CREB5: variants seen among roughly 807,000 people sequenced by gnomAD.
CREB5 encodes the protein cyclic AMP-responsive element-binding protein 5.
CREB5 carries 19 observed loss-of-function variants against 57.1 expected under a neutral mutation model. The observed-to-expected ratio is 0.33, with a 90% confidence interval of 0.23 to 0.49. The LOEUF is 0.49. Ranked by LOEUF, CREB5 falls within the 20% of genes least tolerant of loss-of-function variation. CREB5 has a pLI of 0.99. For missense variants in CREB5, 579 were observed against 671.6 expected, an observed-to-expected ratio of 0.86 and a Z score of 1.52; for synonymous variants, 238 against 238.3, an observed-to-expected ratio of 1.00 and a Z score of 0.01.
intron 1 of CREB5, among the ~76,000 whole-genome samples, chr7:28,368,531 G>A (rs1051692900): frequency 1.5e-4 from 23 of 152,214 alleles, no homozygotes; most frequent in African/African-American, 5.5e-4. Flanking sequence ...CCAATCACAT[G>A]GACCCTCTCC....
chr7:28,612,586 G>GTGTGTGTGTA (rs1263507604), intron 5 of CREB5, among the ~76,000 whole-genome samples: 1 of 141,600 alleles, frequency 7.1e-6, no homozygotes, highest in Non-Finnish European at 1.5e-5. Context: ...GTGTGTGTGT[G>GTGTGTGTGTA]TGTAAGGATA....
intron 7 of CREB5, among the ~76,000 whole-genome samples, chr7:28,741,832 C>T (rs964776493): frequency 6.6e-6 from 1 of 152,020 alleles, no homozygotes; most frequent in African/African-American, 2.4e-5. Context: ...CTTTGGGAGG[C>T]CAATGCAGGT....
chr7:28,372,862 G>A (rs1360468531), intron 1 of CREB5, among the ~76,000 whole-genome samples: 3 of 152,160 alleles, frequency 2.0e-5, no homozygotes, highest in African/African-American at 7.2e-5. Context: ...ATTTAATTTT[G>A]ATCTTAAAAT....
At chr7:28,690,749 G>A (rs772485640) in intron 5 of CREB5, among the ~76,000 whole-genome samples, 5 of 152,168 alleles carry the variant, frequency 3.3e-5, no homozygotes, top group African/African-American at 1.2e-4. Context: ...GATTCTCCTC[G>A]CAGCAGTCCC....
intron 1 of CREB5, among the ~76,000 whole-genome samples, chr7:28,329,689 C>T (rs57768292): frequency 0.03 from 4,616 of 152,238 alleles, 157 homozygotes; most frequent in African/African-American, 0.086. Context: ...CAGTTTTAGC[C>T]ATGAAAGGGT....
At chr7:28,375,183 T>C (rs572509273) in intron 1 of CREB5, among the ~76,000 whole-genome samples, 2 of 152,198 alleles carry the variant, frequency 1.3e-5, no homozygotes, top group Non-Finnish European at 2.9e-5. Context: ...AAAAAAAAGT[T>C]TGGGACATCT....
chr7:28,711,829 G>C (rs1046578737), intron 5 of CREB5, among the ~76,000 whole-genome samples: 7 of 152,270 alleles, frequency 4.6e-5, no homozygotes, highest in African/African-American at 1.7e-4. Context: ...ACATTTGTTG[G>C]ACTGTGGTTC....
intron 7 of CREB5, among the ~76,000 whole-genome samples, chr7:28,743,074 G>A (rs1383425600): frequency 2.0e-5 from 3 of 152,094 alleles, no homozygotes; most frequent in African/African-American, 4.8e-5. Context: ...ATGAGCCACC[G>A]TGCCCAGCTT....
chr7:28,765,284 G>A (rs1019716735), intron 7 of CREB5, among the ~76,000 whole-genome samples: 1 of 152,168 alleles, frequency 6.6e-6, no homozygotes, highest in African/African-American at 2.4e-5. Flanking sequence ...ACACAATCTA[G>A]ACCTTGGTGC....
intron 1 of CREB5, among the ~76,000 whole-genome samples, chr7:28,461,041 AC>A (rs1436490354): frequency 6.6e-6 from 1 of 151,876 alleles, no homozygotes; most frequent in Non-Finnish European, 1.5e-5. Flanking sequence ...AACAACACAA[AC>A]AAAAAAAAAC....
At chr7:28,727,547 T>C (rs1357295778) in intron 7 of CREB5, among the ~76,000 whole-genome samples, 2 of 152,242 alleles carry the variant, frequency 1.3e-5, no homozygotes, top group South Asian at 2.1e-4. Flanking sequence ...AATGTGGTTA[T>C]GGTGTTCTCA....
intron 1 of CREB5, among the ~76,000 whole-genome samples, chr7:28,436,473 T>G (rs1253880443): frequency 6.6e-6 from 1 of 152,112 alleles, no homozygotes; most frequent in African/African-American, 2.4e-5. Flanking sequence ...ATTATTCCTT[T>G]GGTTGGGTGG....
chr7:28,674,780 T>G (rs777249047), intron 5 of CREB5, among the ~76,000 whole-genome samples: 1 of 152,244 alleles, frequency 6.6e-6, no homozygotes, highest in Non-Finnish European at 1.5e-5. Flanking sequence ...CCTCTGACAG[T>G]CTGTTCTCCA....
chr7:28,565,046 T>A (rs1363886416), intron 4 of CREB5, among the ~76,000 whole-genome samples: 1 of 152,186 alleles, frequency 6.6e-6, no homozygotes, highest in Admixed American at 6.5e-5. Context: ...CTAGGTTACA[T>A]GGCTACAAGG....
At chr7:28,462,201 A>G (rs1327231032) in intron 1 of CREB5, among the ~76,000 whole-genome samples, 1 of 152,202 alleles carries the variant, frequency 6.6e-6, no homozygotes, top group East Asian at 1.9e-4. Flanking sequence ...TCTTTCACTT[A>G]GCATAACTTT....
intron 1 of CREB5, among the ~76,000 whole-genome samples, chr7:28,483,794 T>C (rs1791440150): frequency 6.6e-6 from 1 of 152,200 alleles, no homozygotes; most frequent in Non-Finnish European, 1.5e-5. Context: ...AAAATTAGAT[T>C]CACTCATTGT....
intron 7 of CREB5, among the ~76,000 whole-genome samples, chr7:28,742,770 C>G (rs1014634929): frequency 8.6e-5 from 13 of 152,006 alleles, no homozygotes; most frequent in African/African-American, 3.1e-4. Flanking sequence ...CACACTGTTG[C>G]TTTTTCTTAT....
chr7:28,427,619 T>G (rs1309260594), intron 1 of CREB5, among the ~76,000 whole-genome samples: 1 of 152,010 alleles, frequency 6.6e-6, no homozygotes, highest in Non-Finnish European at 1.5e-5. Flanking sequence ...ACACATTGTA[T>G]TTCCCCACGG....
chr7:28,709,365 A>G (rs1244399556), intron 5 of CREB5, among the ~76,000 whole-genome samples: 2 of 152,188 alleles, frequency 1.3e-5, no homozygotes, highest in African/African-American at 2.4e-5. Flanking sequence ...TTAGAAACCA[A>G]TCCAGCCAGG....
Sources: gnomAD v4.1 joint callset for allele counts (sites outside exome capture counted in the v4.1 genomes callset) on GRCh38, gnomAD v4.1.1 for gene constraint, MANE v1.5 for transcripts, NCBI Gene and HGNC (gene_info 2026-07-23, HGNC 2026-07-21) for gene names.